The following CHST9 variants were observed in gnomAD, a reference collection of about 807,000 sequenced individuals.
The protein encoded by CHST9 is GalNAc-4-sulfotransferase 2.
A neutral mutation model predicts 44.4 loss-of-function variants in CHST9; 41 were observed. That is an observed-to-expected ratio of 0.92 (90% CI 0.72 to 1.20). CHST9 has a LOEUF of 1.20. CHST9 is among the 50% of genes most tolerant of loss of function. The pLI is 0.00. For missense variants in CHST9, 504 were observed against 516.5 expected (o/e 0.98, Z 0.23); for synonymous variants, 171 against 178.4 (o/e 0.96, Z 0.33).
intron 3 of CHST9, among the ~76,000 whole-genome samples, chr18:27,025,224 A>G (rs2057272744): frequency 1.3e-5 from 2 of 149,660 alleles, no homozygotes; most frequent in South Asian, 2.1e-4. Flanking sequence ...TTATAAATAT[A>G]TAGGTAATGT....
intron 2 of CHST9, among the ~76,000 whole-genome samples, chr18:27,093,480 C>T (rs1222063696): frequency 2.6e-5 from 4 of 152,332 alleles, no homozygotes; most frequent in East Asian, 1.9e-4. Context: ...GCCAGGCTGC[C>T]GTCTCGCAGA....
At chr18:27,057,887 T>A (rs535704118) in intron 2 of CHST9, among the ~76,000 whole-genome samples, 30 of 152,326 alleles carry the variant, frequency 2.0e-4, no homozygotes, top group African/African-American at 7.0e-4. Context: ...TCTTGGAAAT[T>A]CCCAAGTACA....
intron 1 of CHST9, among the ~76,000 whole-genome samples, chr18:27,179,319 T>C (rs2143978526): frequency 6.6e-6 from 1 of 152,146 alleles, no homozygotes; most frequent in South Asian, 2.1e-4. Context: ...CATGACCTGC[T>C]TGAGGGCAGT....
intron 5 of CHST9, among the ~76,000 whole-genome samples, chr18:26,929,969 A>AT (rs2055847309): frequency 6.6e-6 from 1 of 152,204 alleles, no homozygotes; most frequent in African/African-American, 2.4e-5. Flanking sequence ...CAGCATTGCC[A>AT]TGTGCGAGAG....
At chr18:26,924,220 G>A (rs993089864) in intron 5 of CHST9, among the ~76,000 whole-genome samples, 1 of 152,158 alleles carries the variant, frequency 6.6e-6, no homozygotes, top group Non-Finnish European at 1.5e-5. Flanking sequence ...GGGTAAGAAT[G>A]AAGAAAAAGG....
chr18:27,045,834 G>T (rs2057493411), intron 3 of CHST9, among the ~76,000 whole-genome samples: 1 of 151,874 alleles, frequency 6.6e-6, no homozygotes, highest in Admixed American at 6.6e-5. Context: ...CAGTGTAGAC[G>T]GACTCTAAAT....
At chr18:27,166,368 C>T (rs192042026) in intron 1 of CHST9, among the ~76,000 whole-genome samples, 38 of 152,302 alleles carry the variant, frequency 2.5e-4, no homozygotes, top group Admixed American at 9.2e-4. Flanking sequence ...TCAAACTCTA[C>T]TCTCCAGCAA....
At chr18:26,953,623 T>C (rs2056281740) in intron 4 of CHST9, among the ~76,000 whole-genome samples, 1 of 152,122 alleles carries the variant, frequency 6.6e-6, no homozygotes, top group Non-Finnish European at 1.5e-5. Context: ...TTGAAAGAAA[T>C]TGGTAACAAA....
intron 4 of CHST9, among the ~76,000 whole-genome samples, chr18:26,988,600 AG>A (rs2056781049): frequency 6.6e-6 from 1 of 152,184 alleles, no homozygotes; most frequent in Admixed American, 6.5e-5. Flanking sequence ...AATTGCTGTC[AG>A]AGAACTCAAT....
At chr18:26,968,707 G>GT (rs776013639) in intron 4 of CHST9, among the ~76,000 whole-genome samples, 67 of 152,162 alleles carry the variant, frequency 4.4e-4, no homozygotes, top group Middle Eastern at 6.8e-3. Context: ...ATCCACAGCT[G>GT]TTTTTTAAAA....
rs1353112575 is a variant in CHST9, at chr18:27,142,690, T to C, written c.120A>G (p.Thr40=). ...YLQVWIEEQH[T]GRVEKRREQK... ...TAGAAGAAAAAGCACATGTGTTACC[T>C]GTATGTTGTTCTTCAATCCAGACTT... Residue 40 remains threonine (T), a splice_region_variant and synonymous_variant, in exon 2 of 6, where the codon ACA becomes ACG. Coordinates refer to ENST00000618847, the MANE Select transcript of CHST9 (RefSeq NM_031422.6). 10 of 1,598,594 alleles carry C rather than the reference T, an allele frequency of 6.3e-6. No homozygotes were observed. The highest frequency in any genetic ancestry group is 6.8e-6 in the Non-Finnish European group (8 of 1,173,918).
intron 4 of CHST9, among the ~76,000 whole-genome samples, chr18:26,951,015 G>A (rs1333807350): frequency 6.6e-6 from 1 of 152,160 alleles, no homozygotes; most frequent in Non-Finnish European, 1.5e-5. Flanking sequence ...CAGATTAAGT[G>A]GAGAGTCATC....
chr18:27,001,203 A>G (rs1249443598), intron 4 of CHST9, among the ~76,000 whole-genome samples: 1 of 152,202 alleles, frequency 6.6e-6, no homozygotes, highest in African/African-American at 2.4e-5. Context: ...GTGTGCATAT[A>G]AGTAGATTAT....
At chr18:26,927,822 T>C (rs2055799352) in intron 5 of CHST9, among the ~76,000 whole-genome samples, 1 of 152,022 alleles carries the variant, frequency 6.6e-6, no homozygotes, top group Non-Finnish European at 1.5e-5. Flanking sequence ...AGACCATTTA[T>C]GGGTGTCAGG....
intron 2 of CHST9, among the ~76,000 whole-genome samples, chr18:27,088,273 G>T (rs2058032280): frequency 6.6e-6 from 1 of 151,880 alleles, no homozygotes; most frequent in Non-Finnish European, 1.5e-5. Context: ...AAACTACCAA[G>T]AAAAGTCTTC....
At chr18:26,966,636 G>A (rs1364390374) in intron 4 of CHST9, among the ~76,000 whole-genome samples, 2 of 152,090 alleles carry the variant, frequency 1.3e-5, no homozygotes, top group Admixed American at 6.5e-5. Context: ...GTTTAGAATG[G>A]TTGGACCTTC....
intron 2 of CHST9, among the ~76,000 whole-genome samples, chr18:27,124,612 C>G (rs1346695199): frequency 6.6e-6 from 1 of 152,214 alleles, no homozygotes; most frequent in East Asian, 1.9e-4. Flanking sequence ...CTTCAAACCT[C>G]TTCCAAAACT....
intron 3 of CHST9, among the ~76,000 whole-genome samples, chr18:27,026,420 G>C (rs933000792): frequency 1.3e-5 from 2 of 152,088 alleles, no homozygotes; most frequent in Admixed American, 6.5e-5. Flanking sequence ...TTCTGAAAGA[G>C]CTATTTCTGT....
chr18:26,958,217 C>T (rs537939602), intron 4 of CHST9, among the ~76,000 whole-genome samples: 2 of 152,024 alleles, frequency 1.3e-5, no homozygotes, highest in African/African-American at 4.8e-5. Context: ...CTTTGCCAGG[C>T]TATATGATAT....
Sources: allele counts gnomAD v4.1 joint callset (sites outside exome capture counted in the v4.1 genomes callset), GRCh38; gene constraint gnomAD v4.1.1; transcripts MANE v1.5; gene names NCBI Gene and HGNC (gene_info 2026-07-23, HGNC 2026-07-21).